Variants in CERS5 observed in about 807,000 individuals in gnomAD.
The protein encoded by CERS5 is ceramide synthase 5, also known as LAG1 homolog, ceramide synthase 5.
A neutral mutation model predicts 58.9 loss-of-function variants in CERS5; 37 were observed. The observed-to-expected ratio is 0.63, with a 90% CI of 0.48 to 0.83. The LOEUF (loss-of-function observed/expected upper bound fraction) is 0.83. CERS5 is among the 40% of genes least tolerant of loss of function. CERS5 has a pLI of 0.00. For missense variants in CERS5, 398 were observed against 489.3 expected, an observed-to-expected ratio of 0.81 and a Z score of 1.76; for synonymous variants, 147 against 177.8, an observed-to-expected ratio of 0.83 and a Z score of 1.38.
chr12:50,159,617 A>G (rs1190874477), intron 1 of CERS5, among the ~76,000 whole-genome samples: 1 of 152,118 alleles, frequency 6.6e-6, no homozygotes, highest in Admixed American at 6.6e-5. Flanking sequence ...TTTTTGAGAC[A>G]GGGTCTCGCT....
intron 1 of CERS5, among the ~76,000 whole-genome samples, chr12:50,148,904 C>CAAAAAAAA (rs71083511): frequency 1.4e-5 from 1 of 72,082 alleles, no homozygotes; most frequent in Non-Finnish European, 2.4e-5. Context: ...GACTCCATCT[C>CAAAAAAAA]AAAAAAAAAA....
intron 1 of CERS5, among the ~76,000 whole-genome samples, chr12:50,157,155 C>A (rs1378741261): frequency 6.6e-6 from 1 of 152,100 alleles, no homozygotes; most frequent in Admixed American, 6.6e-5. Flanking sequence ...TCTTCCTCCC[C>A]TCAAACATCG....
intron 1 of CERS5, chr12:50,154,067 C>T (rs934718620): frequency 1.4e-4 from 33 of 238,996 alleles, no homozygotes; most frequent in African/African-American, 7.6e-4. Flanking sequence ...GTTTAAGAAA[C>T]TGCTACTTGT....
At chr12:50,167,046 C>T in intron 1 of CERS5, 55 bp downstream of exon 1, 1 of 1,360,250 alleles carries the variant, frequency 7.4e-7, no homozygotes, top group Non-Finnish European at 9.8e-7. Flanking sequence ...CTTCCCACAG[C>T]GGGGCGCCCC....
chr12:50,150,628 G>A (rs1295475346), intron 1 of CERS5, among the ~76,000 whole-genome samples: 1 of 152,148 alleles, frequency 6.6e-6, no homozygotes, highest in Non-Finnish European at 1.5e-5. Context: ...AAAGAGAACT[G>A]AGGTCAGAAC....
intron 1 of CERS5, among the ~76,000 whole-genome samples, chr12:50,146,846 C>CA (rs10714679): frequency 0.32 from 34,039 of 104,818 alleles, 5,615 homozygotes; most frequent in East Asian, 0.73. Flanking sequence ...GACTCCGTCT[C>CA]AAAAAAAAAA....
intron 1 of CERS5, chr12:50,148,463 G>T: frequency 4.3e-6 from 1 of 231,672 alleles, no homozygotes; most frequent in South Asian, 3.6e-5. Flanking sequence ...CAGGCATGGC[G>T]GCACATACCT....
At position 50,153,269 on chromosome 12, in the gene CERS5, A is replaced by ATTTTTTTTTTT. The variant is rs202197775; in HGVS notation, c.198-9223_198-9213dup. Among the ~76,000 whole-genome samples, 25 of 93,436 alleles carry ATTTTTTTTTTT rather than the reference A, an allele frequency of 2.7e-4. 5 individuals carry two copies. Among genetic ancestry groups the ATTTTTTTTTTT allele is most frequent in the Non-Finnish European group, 4.8e-4 (23 of 48,014 alleles). The allele number at this position is 93,436 out of a possible 152,430, so 61.3% of individuals were successfully genotyped here. On this transcript the variant is annotated intron_variant, in intron 1 of 9. Transcript: ENST00000317551. The stretch of plus-strand genomic sequence containing the variant: ...GGTTATAATGAGATAAACTAATATG[A>ATTTTTTTTTTT]TTTTTTTTTTTTTTTTTTTTTTTTT...
chr12:50,142,817 T>G (rs1451548404), intron 3 of CERS5, among the ~76,000 whole-genome samples: 1 of 152,186 alleles, frequency 6.6e-6, no homozygotes, highest in East Asian at 1.9e-4. Context: ...ATAAGTACAG[T>G]TATAAGGATT....
chr12:50,151,536 TGCTTC>T (rs2138178871), intron 1 of CERS5, among the ~76,000 whole-genome samples: 1 of 152,336 alleles, frequency 6.6e-6, no homozygotes, highest in South Asian at 2.1e-4. Flanking sequence ...AGTTCCTCTG[TGCTTC>T]AGTTCTCTCA....
chr12:50,156,272 C>T (rs1438842683), intron 1 of CERS5, among the ~76,000 whole-genome samples: 2 of 148,564 alleles, frequency 1.3e-5, no homozygotes, highest in South Asian at 2.1e-4. Context: ...GGTGTGGCAG[C>T]GTGCGCCTGT....
chr12:50,133,756 T>C (rs1163144263), intron 9 of CERS5: 1 of 985,438 alleles, frequency 1.0e-6, no homozygotes, highest in Non-Finnish European at 1.2e-6. Flanking sequence ...ACTTTCCTCT[T>C]GCGTCTAAGT....
chr12:50,148,422 C>T (rs993532067), intron 1 of CERS5: 3 of 215,742 alleles, frequency 1.4e-5, no homozygotes, highest in African/African-American at 7.2e-5. Context: ...ATGGTGAAAC[C>T]CCATCTCTAC....
At chr12:50,156,850 T>G (rs1478095163) in intron 1 of CERS5, among the ~76,000 whole-genome samples, 1 of 152,162 alleles carries the variant, frequency 6.6e-6, no homozygotes, top group Non-Finnish European at 1.5e-5. Flanking sequence ...AGGTCAAGGC[T>G]GTAGTGACAT....
At chr12:50,135,324 TG>T (rs1951629352) in intron 8 of CERS5, 1 of 347,464 alleles carries the variant, frequency 2.9e-6, no homozygotes. Flanking sequence ...TGTGTGTGTG[TG>T]TGTGTGTGTG....
At position 50,130,485 on chromosome 12, in the gene CERS5, G is replaced by GGA; in HGVS notation, c.*58_*59dup. The GGA allele has an allele frequency of 1.1e-5, 16 of 1,446,530 alleles. No individual in the cohort carries two copies. The highest frequency in any genetic ancestry group is 1.5e-5 in the Non-Finnish European group (16 of 1,067,264). The allele number at this position is 1,446,530 out of a possible 1,614,324, so 89.6% of individuals were successfully genotyped here. On this transcript the variant is annotated 3_prime_UTR_variant, in exon 10 of 10. Transcript: ENST00000317551. ...AGAGTAGATATGGGAAGGGCCAAGA[G>GGA]GAGTATGTTGCCAGTGGCCCTACAA...
At chr12:50,135,654 T>C in intron 8 of CERS5, 78 bp downstream of exon 8, 1 of 1,054,894 alleles carries the variant, frequency 9.5e-7, no homozygotes. Flanking sequence ...ACAGAAAAAC[T>C]GAATGGGCAA....
At chr12:50,137,695 A>C in intron 6 of CERS5, 33 bp downstream of exon 6, 1 of 1,155,088 alleles carries the variant, frequency 8.7e-7, no homozygotes, top group East Asian at 2.4e-5. Context: ...AGGATGTAAT[A>C]AGTTGGGGAA....
chr12:50,150,864 TAGCCAAACCCTCA>T (rs1274118147), intron 1 of CERS5, among the ~76,000 whole-genome samples: 3 of 152,078 alleles, frequency 2.0e-5, no homozygotes, highest in Non-Finnish European at 4.4e-5. Flanking sequence ...GAAGTAGAAA[TAGCCAAACCCTCA>T]AGCATTTAGG....
Sources: allele counts gnomAD v4.1 joint callset (sites outside exome capture counted in the v4.1 genomes callset), GRCh38; gene constraint gnomAD v4.1.1; transcripts MANE v1.5; gene names NCBI Gene and HGNC (gene_info 2026-07-23, HGNC 2026-07-21).